Variants in ASAH1 observed in about 807,000 individuals in gnomAD.
The protein encoded by ASAH1 is acid ceramidase.
Under a neutral mutation model 59.5 loss-of-function variants are expected in ASAH1, and 70 were observed. The ratio of observed to expected loss-of-function variants is 1.18; its 90% CI spans 0.97 to 1.43. The LOEUF is 1.43. ASAH1 is among the 40% of genes most tolerant of loss of function. The pLI is 0.00. For synonymous variants in ASAH1, 213 were observed against 166.5 expected, an observed-to-expected ratio of 1.28 and a Z score of -2.15; for missense variants, 660 against 482.5, an observed-to-expected ratio of 1.37 and a Z score of -3.45.
At chr8:18,059,223 A>C in intron 12 of ASAH1, 118 bp downstream of exon 12, 93 of 1,494,098 alleles carry the variant, frequency 6.2e-5, no homozygotes, top group Non-Finnish European at 8.1e-5. Flanking sequence ...GAGAGTGGCT[A>C]GAGATACTAT....
At position 18,062,304 on chromosome 8, in the gene ASAH1, A is replaced by C; in HGVS notation, c.623T>G (p.Val208Gly). 1 of 1,614,244 alleles carries C rather than the reference A, an allele frequency of 6.2e-7. No homozygotes were observed. The highest frequency in any genetic ancestry group is 1.7e-5 in the Admixed American group (1 of 60,036). ...VFKASSFAGY[V>G]GMLTGFKPGL... ...TGGTTTGAATCCTGTTAACATGCCC[A>C]CATAGCCAGCAAAGCTTGAAGCCTT... Residue 208 changes from valine to glycine, a missense_variant, in exon 8 of 14, where the codon GTG becomes GGG. Physicochemically the swap from Val to Gly is moderately radical, Grantham distance 109. Transcript: ENST00000637790.
intron 1 of ASAH1, among the ~76,000 whole-genome samples, chr8:18,080,010 A>C (rs1800585759): frequency 6.6e-6 from 1 of 152,234 alleles, no homozygotes; most frequent in Non-Finnish European, 1.5e-5. Context: ...ACGCATTCCC[A>C]GCGTTTAGGA....
chr8:18,079,858 G>T (rs1302374285), intron 1 of ASAH1, among the ~76,000 whole-genome samples: 2 of 152,196 alleles, frequency 1.3e-5, no homozygotes, highest in Admixed American at 1.3e-4. Flanking sequence ...ACGTGTACAA[G>T]AATTCACATG....
chr8:18,080,085 C>T (rs2283117), intron 1 of ASAH1, among the ~76,000 whole-genome samples: 74,315 of 151,994 alleles, frequency 0.49, 18,606 homozygotes, highest in Non-Finnish European at 0.54. Flanking sequence ...TGTGTGTTCC[C>T]TCTTTGGGAG....
chr8:18,079,166 G>C (rs542866085), intron 1 of ASAH1, among the ~76,000 whole-genome samples: 2 of 151,722 alleles, frequency 1.3e-5, no homozygotes, highest in Non-Finnish European at 2.9e-5. Context: ...CTAGGTACTC[G>C]GAAGGCTGAG....
At position 18,063,057 on chromosome 8, in the gene ASAH1, ACG is replaced by A. The variant is rs1287144813; in HGVS notation, c.503+126_503+127del. The A allele has an allele frequency of 4.0e-5, 32 of 807,204 alleles. No homozygotes were observed. The African/African-American group carries it at 5.5e-4, about 14-fold the overall frequency. 50.0% of individuals were successfully genotyped at this position (807,204 alleles called of 1,614,324 possible). A position where few individuals can be genotyped will look rare whatever the true frequency, so the allele number is the denominator to read the frequency against. ...GCTAATTTTTATGTTTTTAGTAGAG[ACG>A]GGGTTTCACCATCTTGGCCAGGCTG... On this transcript the variant is annotated intron_variant, in intron 7 of 13. Coordinates refer to ENST00000637790, the MANE Select transcript of ASAH1 (RefSeq NM_177924.5).
At chr8:18,064,701 T>G (rs1408345346) in intron 5 of ASAH1, 170 bp from the exon 6 acceptor site, 1 of 585,922 alleles carries the variant, frequency 1.7e-6, no homozygotes, top group Admixed American at 3.1e-5. Context: ...CTGGACTCTC[T>G]AGACTCAAGA....
At position 18,066,921 on chromosome 8, in the gene ASAH1, G is replaced by C. The variant is rs1166766878; in HGVS notation, c.382+299C>G. 1.1e-5 allele frequency: 4 copies of C among 366,162 alleles called. No individual in the cohort carries two copies. The East Asian group carries it at 1.2e-4, about 11-fold the overall frequency. 22.7% of individuals were successfully genotyped at this position (366,162 alleles called of 1,614,324 possible). A position where few individuals can be genotyped will look rare whatever the true frequency, so the allele number is the denominator to read the frequency against. ...GTTCTATTTATACAAAGTTCACGAA[G>C]AGGCAAAACTAATCTATAGTGACAT... is the stretch of plus-strand genomic sequence containing the variant. On this transcript the variant is annotated intron_variant, in intron 5 of 13. Transcript: ENST00000637790.
chr8:18,074,198 T>A (rs1051982469), intron 2 of ASAH1, among the ~76,000 whole-genome samples: 2 of 152,100 alleles, frequency 1.3e-5, no homozygotes, highest in African/African-American at 4.8e-5. Context: ...ACATAATCAA[T>A]CAGTAAGGCA....
chr8:18,067,099 GTGCACCTGTGCTGTATATCTAAGACATAC>G, intron 5 of ASAH1, 92 bp downstream of exon 5: 3 of 113,682 alleles, frequency 2.6e-5, no homozygotes, highest in Non-Finnish European at 9.4e-5. Context: ...TCTAAGACCT[GTGCACCTGTGCTGTATATCTAAGACATAC>G]AGCACCTGTG....
chr8:18,082,212 T>C (rs1358734559), intron 1 of ASAH1, among the ~76,000 whole-genome samples: 3 of 152,238 alleles, frequency 2.0e-5, no homozygotes, highest in Non-Finnish European at 2.9e-5. Flanking sequence ...ATAAGAACTA[T>C]TATATCCATT....
intron 2 of ASAH1, among the ~76,000 whole-genome samples, chr8:18,072,181 G>A (rs1242172828): frequency 6.6e-6 from 1 of 152,152 alleles, no homozygotes; most frequent in African/African-American, 2.4e-5. Flanking sequence ...GCTTTTAAGG[G>A]TGTGCCAGTT....
In ASAH1 at chr8:18,062,425, T is replaced by A; in HGVS notation, c.504-2A>T. ...CAGGTATCATTATTTATGTTCCACC[T>A]ATAAAAGACATGTTTCAGTGACATT... On this transcript the variant is annotated splice_acceptor_variant, in intron 7 of 13. Transcript: ENST00000637790. LOFTEE classifies it high-confidence loss of function. 1.9e-6 allele frequency: 3 copies of A among 1,614,004 alleles called. No individual in the cohort carries two copies. Among genetic ancestry groups the A allele is most frequent in the Non-Finnish European group, 2.5e-6 (3 of 1,179,888 alleles).
At position 18,062,507 on chromosome 8, in the gene ASAH1, A is replaced by G. The variant is rs1799749286; in HGVS notation, c.504-84T>C. 7 of 1,458,810 alleles carry G rather than the reference A, an allele frequency of 4.8e-6. No individual in the cohort carries two copies. In the South Asian group the frequency reaches 8.0e-5, roughly 17 times the overall value. 90.4% of individuals were successfully genotyped at this position (1,458,810 alleles called of 1,614,324 possible). On this transcript the variant is annotated intron_variant, in intron 7 of 13. Coordinates refer to ENST00000637790, the MANE Select transcript of ASAH1 (RefSeq NM_177924.5). ...GATGATGAGGGCCAGGCATTACACT[A>G]GGAGCTTTATTTACCGAGTCACCAC...
chr8:18,061,184 T>C (rs1028061680), intron 10 of ASAH1, 193 bp downstream of exon 10: 1 of 501,930 alleles, frequency 2.0e-6, no homozygotes, highest in African/African-American at 1.9e-5. Flanking sequence ...TTTAAGTAAT[T>C]CATTTATTTG....
intron 5 of ASAH1, chr8:18,065,563 T>C (rs1206163690): frequency 2.0e-5 from 3 of 152,126 alleles, no homozygotes; most frequent in African/African-American, 7.2e-5. Flanking sequence ...TTACATGCCA[T>C]AAAGCTTAAA....
chr8:18,068,254 G>A (rs767916763), intron 4 of ASAH1: 1 of 152,178 alleles, frequency 6.6e-6, no homozygotes, highest in Non-Finnish European at 1.5e-5. Flanking sequence ...GTATGTGACT[G>A]ATCCAGCCTT....
chr8:18,069,998 T>A, intron 3 of ASAH1, 120 bp from the exon 4 acceptor site: 1 of 646,924 alleles, frequency 1.5e-6, no homozygotes, highest in Non-Finnish European at 2.6e-6. Flanking sequence ...ATATATTTTT[T>A]AAAACAGCAT....
At chr8:18,071,267 A>T in intron 3 of ASAH1, 33 bp downstream of exon 3, 1 of 1,098,408 alleles carries the variant, frequency 9.1e-7, no homozygotes, top group Non-Finnish European at 1.2e-6. Context: ...AAATAAAAAT[A>T]AAGAAATAAA....
Sources: allele counts gnomAD v4.1 joint callset (sites outside exome capture counted in the v4.1 genomes callset), GRCh38; gene constraint gnomAD v4.1.1; transcripts MANE v1.5; gene names NCBI Gene and HGNC (gene_info 2026-07-23, HGNC 2026-07-21).